The following CFAP53 variants were observed in gnomAD, a reference collection of about 807,000 sequenced individuals.
CFAP53 encodes the protein cilia and flagella associated protein 53.
Under a neutral mutation model 59.7 loss-of-function variants are expected in CFAP53, and 62 were observed. The ratio of observed to expected loss-of-function variants is 1.04; its 90% CI spans 0.85 to 1.28. The LOEUF (loss-of-function observed/expected upper bound fraction) is 1.28. CFAP53 is among the 50% of genes most tolerant of loss of function. The probability of loss-of-function intolerance (pLI) is 0.00; values close to 1 mark genes in which losing one functional copy is unlikely to be tolerated. For missense variants in CFAP53, 629 were observed against 615.6 expected, an observed-to-expected ratio of 1.02 and a Z score of -0.23; for synonymous variants, 218 against 205.7, an observed-to-expected ratio of 1.06 and a Z score of -0.51.
At chr18:50,234,529 A>G (rs943918013) in intron 7 of CFAP53, among the ~76,000 whole-genome samples, 7 of 152,246 alleles carry the variant, frequency 4.6e-5, no homozygotes, top group Middle Eastern at 3.4e-3. Flanking sequence ...TGGAATCCAA[A>G]CTAACCACAC....
At chr18:50,248,140 A>AAC (rs1555672066) in intron 5 of CFAP53, among the ~76,000 whole-genome samples, 2 of 151,462 alleles carry the variant, frequency 1.3e-5, no homozygotes, top group South Asian at 2.1e-4. Context: ...AAAAAAAAAA[A>AAC]AAAAAACAGA....
intron 5 of CFAP53, among the ~76,000 whole-genome samples, chr18:50,248,128 T>TCA (rs1390251850): frequency 1.2e-5 from 1 of 80,962 alleles, no homozygotes; most frequent in Non-Finnish European, 2.7e-5. Flanking sequence ...TCAACAAAAA[T>TCA]TAAAAAAAAA....
chr18:50,264,101 A>G (rs2033917061), intron 1 of CFAP53, among the ~76,000 whole-genome samples: 1 of 152,228 alleles, frequency 6.6e-6, no homozygotes, highest in Non-Finnish European at 1.5e-5. Context: ...TTGATAGTAT[A>G]TTTTATTTAA....
intron 6 of CFAP53, among the ~76,000 whole-genome samples, chr18:50,239,694 T>C (rs932797843): frequency 1.3e-5 from 2 of 152,164 alleles, no homozygotes; most frequent in Admixed American, 1.3e-4. Flanking sequence ...TTACAAATCT[T>C]ATAATTGACA....
At chr18:50,259,587 C>A (rs746869323) in intron 3 of CFAP53, among the ~76,000 whole-genome samples, 2 of 151,968 alleles carry the variant, frequency 1.3e-5, no homozygotes, top group Admixed American at 1.3e-4. Flanking sequence ...GCGTGTGCCA[C>A]CATGCCCGGC....
rs553835160 is a variant in CFAP53 at position 50,242,762 on chromosome 18, T to A, written c.1213+138A>T. 2.4e-5 allele frequency: 17 copies of A among 704,292 alleles called. No homozygotes were observed. In the African/African-American group the frequency reaches 2.5e-4, roughly 10 times the overall value. The allele number at this position is 704,292 out of a possible 1,614,324, so 43.6% of individuals were successfully genotyped here. On this transcript the variant is annotated intron_variant, in intron 6 of 7. Coordinates refer to ENST00000398545, the MANE Select transcript of CFAP53 (RefSeq NM_145020.5). ...ATATCCAATTAGATAAGATTTGCAA[T>A]AACAGGCCTCCTGCCTTCATCCTTT...
At chr18:50,262,345 C>T (rs2033902043) in intron 1 of CFAP53, 126 bp from the exon 2 acceptor site, 8 of 698,728 alleles carry the variant, frequency 1.1e-5, no homozygotes, top group Non-Finnish European at 1.7e-5. Flanking sequence ...ATACATCCTA[C>T]TACAACTGAA....
At position 50,259,843 on chromosome 18, in the gene CFAP53, C is replaced by A. The variant is rs2033875467; in HGVS notation, c.473+1221G>T. Among the ~76,000 whole-genome samples the A allele has an allele frequency of 2.6e-5, 4 of 152,136 alleles. No homozygotes were observed. The South Asian group carries it at 8.3e-4, about 32-fold the overall frequency. On this transcript the variant is annotated intron_variant, in intron 3 of 7. Coordinates refer to ENST00000398545, the MANE Select transcript of CFAP53 (RefSeq NM_145020.5). ...GGGATTATAGGTGTGAGCCACTGTG[C>A]CCAGCCAAATAACAGCAATTCTTAA... is the stretch of plus-strand genomic sequence containing the variant.
intron 5 of CFAP53, among the ~76,000 whole-genome samples, chr18:50,248,946 A>T (rs1397045558): frequency 6.6e-6 from 1 of 151,848 alleles, no homozygotes; most frequent in East Asian, 1.9e-4. Flanking sequence ...CATGAACACT[A>T]CTCAAGAATA....
rs2033707405 is a variant in CFAP53, at chr18:50,243,070, T to C, written c.1043A>G (p.Gln348Arg). The change falls in exon 6 of 8, where the codon CAG (glutamine) becomes CGG (arginine). Residue 348 changes from glutamine (Q) to arginine (R), a missense_variant. Physicochemically the swap from Gln to Arg is conservative, Grantham distance 43. Coordinates refer to ENST00000398545, the MANE Select transcript of CFAP53 (RefSeq NM_145020.5). ...EQKIYHKYLA[Q>R]RREEEKAQEK... ...CTGAGCTTTTTCTTCCTCACGTCTC[T>C]GTGCCAAATATTTATGGTATATCTT... 1 of 1,613,446 alleles carries C rather than the reference T, an allele frequency of 6.2e-7. No individual in the cohort carries two copies. Among genetic ancestry groups the C allele is most frequent in the African/African-American group, 1.3e-5 (1 of 74,930 alleles).
At chr18:50,261,733 G>A (rs1488578332) in intron 2 of CFAP53, among the ~76,000 whole-genome samples, 5 of 151,950 alleles carry the variant, frequency 3.3e-5, no homozygotes, top group Non-Finnish European at 7.4e-5. Flanking sequence ...AATAAGATAC[G>A]AAATATATAT....
intron 3 of CFAP53, among the ~76,000 whole-genome samples, chr18:50,259,815 G>A (rs1230062645): frequency 6.6e-6 from 1 of 152,140 alleles, no homozygotes; most frequent in Admixed American, 6.6e-5. Flanking sequence ...TGATCAAAGT[G>A]CTGGGATTAT....
At chr18:50,251,827 A>G (rs2033804470) in intron 3 of CFAP53, 43 bp from the exon 4 acceptor site, 1 of 1,538,726 alleles carries the variant, frequency 6.5e-7, no homozygotes, top group African/African-American at 1.4e-5. Flanking sequence ...GCCTTTCGTG[A>G]GGCACTGCTC....
At chr18:50,256,247 A>G (rs560757682) in intron 3 of CFAP53, 18 of 152,194 alleles carry the variant, frequency 1.2e-4, no homozygotes, top group Non-Finnish European at 2.4e-4. Context: ...TGAATGGTCC[A>G]TTGAGAGTCA....
At chr18:50,227,902 C>T (rs2144397161) in intron 7 of CFAP53, among the ~76,000 whole-genome samples, 1 of 148,238 alleles carries the variant, frequency 6.7e-6, no homozygotes, top group South Asian at 2.1e-4. Flanking sequence ...CCTTACTCTT[C>T]TCTATGGGTA....
chr18:50,253,921 G>C (rs2033823920), intron 3 of CFAP53, among the ~76,000 whole-genome samples: 1 of 152,066 alleles, frequency 6.6e-6, no homozygotes, highest in South Asian at 2.1e-4. Context: ...CCCTCGAAAT[G>C]CCTACCTTAA....
In CFAP53 at chr18:50,238,639, T is replaced by G; in HGVS notation, c.1280A>C (p.Lys427Thr). 6.2e-7 allele frequency: 1 copy of G among 1,611,984 alleles called. No homozygotes were observed. The highest frequency in any genetic ancestry group is 8.5e-7 in the Non-Finnish European group (1 of 1,179,062). ...MEQKHINESL[K>T]ELNCEEKENF... is the part of the protein sequence containing the mutation. ...CTCCTTCTCTTCACAGTTAAGTTCT[T>G]TAAGACTTTCATTTATGTGTTTCTG... Residue 427 changes from lysine to threonine, a missense_variant, in exon 7 of 8, where the codon AAA becomes ACA. Physicochemically the swap from Lys to Thr is moderately conservative, Grantham distance 78. Transcript: ENST00000398545.
At chr18:50,227,648 G>C in intron 7 of CFAP53, 39 bp from the exon 8 acceptor site, 1 of 1,430,182 alleles carries the variant, frequency 7.0e-7, no homozygotes, top group Non-Finnish European at 9.8e-7. Context: ...AATTATAAAA[G>C]TAAGCATTTA....
intron 3 of CFAP53, among the ~76,000 whole-genome samples, chr18:50,255,091 T>C (rs2033835401): frequency 6.6e-6 from 1 of 152,148 alleles, no homozygotes; most frequent in Non-Finnish European, 1.5e-5. Flanking sequence ...ATTCATGCAA[T>C]GGAATACTAC....
Sources: gnomAD v4.1 joint callset for allele counts (sites outside exome capture counted in the v4.1 genomes callset) on GRCh38, gnomAD v4.1.1 for gene constraint, MANE v1.5 for transcripts, NCBI Gene and HGNC (gene_info 2026-07-23, HGNC 2026-07-21) for gene names.